GPAM: variants seen among roughly 807,000 people sequenced by gnomAD.
GPAM encodes the protein glycerol-3-phosphate acyltransferase 1, mitochondrial.
In GPAM, 56 loss-of-function variants were observed where a neutral mutation model predicts 105.0. The observed-to-expected ratio is 0.53, with a 90% CI of 0.43 to 0.67. GPAM has a LOEUF of 0.67. Among genes scored for constraint, GPAM ranks in the 30% least tolerant of loss-of-function variants. The pLI is 0.00. For missense variants in GPAM, 855 were observed against 989.8 expected, an observed-to-expected ratio of 0.86 and a Z score of 1.83; for synonymous variants, 368 against 354.4, an observed-to-expected ratio of 1.04 and a Z score of -0.43.
chr10:112,160,479 T>C, intron 16 of GPAM, 125 bp downstream of exon 16: 1 of 1,231,336 alleles, frequency 8.1e-7, no homozygotes. Context: ...GTTTGAAAAC[T>C]AAAATTATAG....
upstream of GPAM, among the ~76,000 whole-genome samples, chr10:112,219,376 T>G (rs1017715489): frequency 3.3e-5 from 5 of 152,180 alleles, no homozygotes; most frequent in Non-Finnish European, 5.9e-5. Context: ...GGAGTGGGGA[T>G]GACGGAAAGG....
chr10:112,196,624 G>A (rs1343766143), intron 1 of GPAM, among the ~76,000 whole-genome samples: 1 of 152,132 alleles, frequency 6.6e-6, no homozygotes, highest in Non-Finnish European at 1.5e-5. Context: ...ATTGGTTATG[G>A]TTTTAACCAC....
intron 11 of GPAM, among the ~76,000 whole-genome samples, chr10:112,167,907 T>C (rs1479017275): frequency 2.0e-5 from 3 of 152,208 alleles, no homozygotes; most frequent in Non-Finnish European, 4.4e-5. Context: ...AATCTGTAGG[T>C]GTTTTTGCCA....
upstream of GPAM, among the ~76,000 whole-genome samples, chr10:112,186,846 A>G (rs1453798006): frequency 6.6e-6 from 1 of 152,196 alleles, no homozygotes; most frequent in African/African-American, 2.4e-5. Flanking sequence ...CCACCATGTC[A>G]GCCATTAAAA....
At chr10:112,163,557 C>T in intron 14 of GPAM, 144 bp downstream of exon 14, 2 of 666,848 alleles carry the variant, frequency 3.0e-6, no homozygotes, top group East Asian at 2.7e-5. Flanking sequence ...CACGGTATCA[C>T]CTTCTTTCTA....
At position 112,175,893 on chromosome 10, in the gene GPAM, T is replaced by A. The variant is rs73353058; in HGVS notation, c.300-180A>T. 3.3e-3 allele frequency among the ~76,000 whole-genome samples: 508 copies of A among 152,350 alleles called. 3 individuals carry two copies. The highest frequency in any genetic ancestry group is 0.011 in the African/African-American group (452 of 41,588). On this transcript the variant is annotated intron_variant, in intron 5 of 21. Transcript: ENST00000348367. ...AATGTTGTGCAGCCAATTTTATTCATGTACTCTCAGCTAAAACTGAAACTT... is the reference window on the plus strand; with the variant it reads ...AATGTTGTGCAGCCAATTTTATTCAAGTACTCTCAGCTAAAACTGAAACTT...
chr10:112,164,252 C>G (rs900068639), intron 13 of GPAM, among the ~76,000 whole-genome samples: 2 of 152,086 alleles, frequency 1.3e-5, no homozygotes, highest in Admixed American at 6.5e-5. Context: ...TAACCTACTA[C>G]CAAAAAAACT....
intron 1 of GPAM, among the ~76,000 whole-genome samples, chr10:112,200,188 ATATATATATATATATATATATT>A (rs1158854049): frequency 9.0e-6 from 1 of 110,644 alleles, no homozygotes; most frequent in Non-Finnish European, 1.6e-5. Flanking sequence ...ATATATATAT[ATATATATATATATATATATATT>A]TCAGTCCACA....
intron 1 of GPAM, among the ~76,000 whole-genome samples, chr10:112,195,664 CTT>C (rs1334150437): frequency 2.0e-5 from 3 of 152,242 alleles, no homozygotes; most frequent in East Asian, 3.8e-4. Flanking sequence ...CTCTCTCTCT[CTT>C]AAATGGCATT....
At chr10:112,197,345 G>A (rs1200013322) in intron 1 of GPAM, among the ~76,000 whole-genome samples, 2 of 150,944 alleles carry the variant, frequency 1.3e-5, no homozygotes, top group Admixed American at 1.3e-4. Context: ...TACTTGGTTA[G>A]TAAACTTATT....
At chr10:112,211,645 C>T (rs191855397) in intron 1 of GPAM, among the ~76,000 whole-genome samples, 51 of 152,298 alleles carry the variant, frequency 3.3e-4, no homozygotes, top group African/African-American at 1.1e-3. Flanking sequence ...CACAAGGGCA[C>T]GCAGCTTTCT....
At chr10:112,178,571 A>G (rs969712129) in intron 4 of GPAM, among the ~76,000 whole-genome samples, 1 of 79,670 alleles carries the variant, frequency 1.3e-5, no homozygotes, top group African/African-American at 4.2e-5. Context: ...AACAAAAACA[A>G]AAAACAAACA....
chr10:112,203,939 G>A (rs1435426484), intron 1 of GPAM, among the ~76,000 whole-genome samples: 1 of 152,186 alleles, frequency 6.6e-6, no homozygotes, highest in African/African-American at 2.4e-5. Flanking sequence ...ACTGAGAGGA[G>A]GGTACAGCTT....
intron 4 of GPAM, among the ~76,000 whole-genome samples, chr10:112,180,224 C>T (rs939497657): frequency 1.3e-5 from 2 of 152,200 alleles, no homozygotes; most frequent in Admixed American, 1.3e-4. Flanking sequence ...AAGATCTACT[C>T]TCCCCCTTAA....
At chr10:112,157,700 T>C (rs1293379567) in intron 18 of GPAM, among the ~76,000 whole-genome samples, 3 of 152,198 alleles carry the variant, frequency 2.0e-5, no homozygotes, top group Admixed American at 6.5e-5. Flanking sequence ...AAAATTAAAA[T>C]AGAATCTCAA....
rs761395874 is a variant in GPAM, at chr10:112,163,744, T to G, written c.1380A>C (p.Leu460=). ...CCAGATTTGCAATCAACCTCCTTCG[T>G]AGGGATTCATCTGTTGCATTTCTGG... ...NESRNATDES[L]RRRLIANLAE... The change falls in exon 14 of 22, where the codon CTA becomes CTC. Residue 460 remains leucine, a synonymous_variant. Transcript: ENST00000348367. 2.5e-6 allele frequency: 4 copies of G among 1,600,566 alleles called. No individual in the cohort carries two copies. Among genetic ancestry groups the G allele is most frequent in the Non-Finnish European group, 3.4e-6 (4 of 1,167,780 alleles).
intron 1 of GPAM, among the ~76,000 whole-genome samples, chr10:112,212,076 A>T (rs1176226374): frequency 6.6e-6 from 1 of 152,192 alleles, no homozygotes; most frequent in African/African-American, 2.4e-5. Flanking sequence ...CTAATCAGGC[A>T]TAAGTGTGGA....
intron 13 of GPAM, 64 bp downstream of exon 13, chr10:112,164,461 G>A: frequency 1.2e-6 from 1 of 862,252 alleles, no homozygotes; most frequent in Non-Finnish European, 2.0e-6. Context: ...GTTAATCTAT[G>A]CAATACAAGA....
chr10:112,217,400 A>G (rs1012449291), upstream of GPAM, among the ~76,000 whole-genome samples: 1 of 151,328 alleles, frequency 6.6e-6, no homozygotes, highest in Admixed American at 6.6e-5. Context: ...TCCACCATTC[A>G]TCTGCTGGAG....
Sources: gnomAD v4.1 joint callset for allele counts (sites outside exome capture counted in the v4.1 genomes callset) on GRCh38, gnomAD v4.1.1 for gene constraint, MANE v1.5 for transcripts, NCBI Gene and HGNC (gene_info 2026-07-23, HGNC 2026-07-21) for gene names.